The following SMOC2 variants were observed in gnomAD, a reference collection of about 807,000 sequenced individuals.
SMOC2 encodes SPARC-related modular calcium-binding protein 2.
Under a neutral mutation model 61.4 loss-of-function variants are expected in SMOC2, and 39 were observed. The ratio of observed to expected loss-of-function variants is 0.64; its 90% CI spans 0.49 to 0.83. SMOC2 has a LOEUF of 0.83. Ranked by LOEUF, SMOC2 falls within the 40% of genes least tolerant of loss-of-function variation. The pLI is 0.00. For synonymous variants in SMOC2, 247 were observed against 239.9 expected (o/e 1.03, Z -0.27); for missense variants, 556 against 592.9 (o/e 0.94, Z 0.65).
intron 7 of SMOC2, among the ~76,000 whole-genome samples, chr6:168,596,055 C>A (rs998232987): frequency 2.4e-5 from 3 of 124,992 alleles, no homozygotes; most frequent in Admixed American, 8.4e-5. Flanking sequence ...GTGAACACGG[C>A]AGTGATGAGT....
At chr6:168,635,996 A>G (rs1339365305) in intron 9 of SMOC2, among the ~76,000 whole-genome samples, 1 of 152,162 alleles carries the variant, frequency 6.6e-6, no homozygotes, top group Non-Finnish European at 1.5e-5. Context: ...ATTAATTTAT[A>G]TCCTCCTAAT....
intron 7 of SMOC2, among the ~76,000 whole-genome samples, chr6:168,580,976 C>T (rs1213896646): frequency 2.6e-5 from 4 of 152,184 alleles, no homozygotes; most frequent in Non-Finnish European, 4.4e-5. Context: ...AGTGAGTTTG[C>T]AAGTATTCTT....
At chr6:168,645,582 C>G (rs765004361) in intron 9 of SMOC2, among the ~76,000 whole-genome samples, 1 of 152,154 alleles carries the variant, frequency 6.6e-6, no homozygotes, top group Non-Finnish European at 1.5e-5. Flanking sequence ...AAAATCCAAC[C>G]CTGTGGGCTT....
Position 168,472,951 on chromosome 6 carries a change from C to T in SMOC2, c.84+31497C>T, listed in dbSNP as rs148696466. 5.8e-3 allele frequency among the ~76,000 whole-genome samples: 880 copies of T among 152,106 alleles called. 12 individuals carry two copies. The highest frequency in any genetic ancestry group is 0.014 in the Middle Eastern group (4 of 294). On this transcript the variant is annotated intron_variant, in intron 1 of 12. Coordinates refer to ENST00000356284, the MANE Select transcript of SMOC2 (RefSeq NM_001166412.2). Reference sequence around the variant, plus strand: ...CCATCAGAATCATTGCTGATGGATGCGTCTGTGATGCTACAGCACCGGGGA... The same window carrying T: ...CCATCAGAATCATTGCTGATGGATGTGTCTGTGATGCTACAGCACCGGGGA...
At chr6:168,531,766 C>G (rs1583086015) in intron 4 of SMOC2, among the ~76,000 whole-genome samples, 1 of 152,230 alleles carries the variant, frequency 6.6e-6, no homozygotes, top group African/African-American at 2.4e-5. Flanking sequence ...GAAAACCTTC[C>G]AAGGTCTCTG....
chr6:168,556,099 C>A (rs886099243), intron 7 of SMOC2, among the ~76,000 whole-genome samples: 1 of 152,166 alleles, frequency 6.6e-6, no homozygotes, highest in Admixed American at 6.5e-5. Flanking sequence ...GGACCCCCTC[C>A]ACGTCCAGGC....
At chr6:168,510,341 T>TC (rs1273727719) in intron 2 of SMOC2, among the ~76,000 whole-genome samples, 1 of 152,224 alleles carries the variant, frequency 6.6e-6, no homozygotes, top group African/African-American at 2.4e-5. Flanking sequence ...TCAGTTTTTT[T>TC]CCCCAAAGTC....
intron 9 of SMOC2, among the ~76,000 whole-genome samples, chr6:168,624,644 TCACA>T (rs1011150079): frequency 1.1e-5 from 1 of 87,194 alleles, no homozygotes; most frequent in Non-Finnish European, 2.5e-5. Flanking sequence ...CAGTACAAAT[TCACA>T]CACAGACACA....
chr6:168,666,564 G>T lies in SMOC2; in HGVS notation c.*126G>T, dbSNP rs1305658966. 9.5e-7 allele frequency: 1 copy of T among 1,054,492 alleles called. No homozygotes were observed. The highest frequency in any genetic ancestry group is 1.4e-6 in the Non-Finnish European group (1 of 694,176). The allele number at this position is 1,054,492 out of a possible 1,614,324, so 65.3% of individuals were successfully genotyped here. ...TGTACTTTAAATGTAAATTCACTTT[G>T]TAGAAATGAGCTATTTAAACAGACT... On this transcript the variant is annotated 3_prime_UTR_variant, in exon 13 of 13. Transcript: ENST00000356284.
At chr6:168,663,843 G>A (rs912242260) in intron 11 of SMOC2, among the ~76,000 whole-genome samples, 6 of 152,108 alleles carry the variant, frequency 3.9e-5, no homozygotes, top group East Asian at 3.9e-4. Context: ...AATATTACAC[G>A]ATAATATATA....
At chr6:168,653,308 A>G (rs1295263802) in intron 11 of SMOC2, 80 bp downstream of exon 11, 1 of 1,475,516 alleles carries the variant, frequency 6.8e-7, no homozygotes, top group African/African-American at 1.4e-5. Context: ...AAACACAATT[A>G]CAGATTGTGT....
At chr6:168,565,233 G>C (rs1338796728) in intron 7 of SMOC2, among the ~76,000 whole-genome samples, 1 of 152,160 alleles carries the variant, frequency 6.6e-6, no homozygotes, top group Non-Finnish European at 1.5e-5. Flanking sequence ...AATCAGCTAG[G>C]GCTGCTGTAA....
At chr6:168,568,443 T>C (rs994590771) in intron 7 of SMOC2, among the ~76,000 whole-genome samples, 2 of 152,238 alleles carry the variant, frequency 1.3e-5, no homozygotes, top group Non-Finnish European at 2.9e-5. Flanking sequence ...TTTGTTATAA[T>C]TGCTGAACAA....
chr6:168,600,187 C>T (rs1271087872), intron 8 of SMOC2, among the ~76,000 whole-genome samples: 1 of 152,008 alleles, frequency 6.6e-6, no homozygotes, highest in Non-Finnish European at 1.5e-5. Context: ...GGGTGGATCA[C>T]CTGAGGTCAA....
intron 11 of SMOC2, among the ~76,000 whole-genome samples, chr6:168,659,569 G>C (rs1304414051): frequency 8.9e-5 from 13 of 145,780 alleles, no homozygotes; most frequent in Admixed American, 2.7e-4. Context: ...GAGGTTGTAG[G>C]TTGAGTCAGG....
At chr6:168,623,749 C>T (rs1455891838) in intron 9 of SMOC2, among the ~76,000 whole-genome samples, 2 of 152,056 alleles carry the variant, frequency 1.3e-5, no homozygotes, top group African/African-American at 4.8e-5. Flanking sequence ...TCTGGGAGTT[C>T]CCATCTAGTC....
In SMOC2 at chr6:168,475,961, G is replaced by T. The variant is rs752063665; in HGVS notation, c.85-33954G>T. Among the ~76,000 whole-genome samples the T allele has an allele frequency of 3.9e-5, 6 of 152,046 alleles. No individual in the cohort carries two copies. Among genetic ancestry groups the T allele is most frequent in the Admixed American group, 1.3e-4 (2 of 15,272 alleles). ...GTGGAAGGGCTGAGGTTTGCTAACCGTAGTCCACTTGGGACCTTCCCACAC... is the reference window on the plus strand; with the variant it reads ...GTGGAAGGGCTGAGGTTTGCTAACCTTAGTCCACTTGGGACCTTCCCACAC... On this transcript the variant is annotated intron_variant, in intron 1 of 12. Coordinates refer to ENST00000356284, the MANE Select transcript of SMOC2 (RefSeq NM_001166412.2). This position sits in a 1 kb window ranked among gnomAD's most constrained non-coding sequence, Gnocchi z 4.6.
At chr6:168,564,335 A>T (rs1406134757) in intron 7 of SMOC2, among the ~76,000 whole-genome samples, 1 of 152,100 alleles carries the variant, frequency 6.6e-6, no homozygotes, top group Non-Finnish European at 1.5e-5. Context: ...GTGTGTTTAT[A>T]CACCACTGCA....
At chr6:168,497,072 T>C (rs1333745345) in intron 1 of SMOC2, among the ~76,000 whole-genome samples, 1 of 151,956 alleles carries the variant, frequency 6.6e-6, no homozygotes, top group African/African-American at 2.4e-5. Context: ...AGCCTGTGAG[T>C]GTAAAGCTAT....
Sources: allele counts gnomAD v4.1 joint callset (sites outside exome capture counted in the v4.1 genomes callset), GRCh38; gene constraint gnomAD v4.1.1; non-coding constraint Gnocchi (gnomAD v3.1); transcripts MANE v1.5; gene names NCBI Gene and HGNC (gene_info 2026-07-23, HGNC 2026-07-21).